The following TMEM135 variants were observed in gnomAD, a reference collection of about 807,000 sequenced individuals.
The protein encoded by TMEM135 is peroxisomal membrane protein 52.
Under a neutral mutation model 60.3 loss-of-function variants are expected in TMEM135, and 30 were observed. That is an observed-to-expected ratio of 0.50 (90% confidence interval 0.37 to 0.68). The LOEUF (loss-of-function observed/expected upper bound fraction) is 0.68, where lower values mean the gene tolerates loss of function less well. Among genes scored for constraint, TMEM135 ranks in the 30% least tolerant of loss-of-function variants. The probability of loss-of-function intolerance (pLI) is 0.00; values close to 1 mark genes in which losing one functional copy is unlikely to be tolerated. For synonymous variants in TMEM135, 190 were observed against 186.7 expected (o/e 1.02, Z -0.14); for missense variants, 468 against 548.8 (o/e 0.85, Z 1.47).
intron 1 of TMEM135, among the ~76,000 whole-genome samples, chr11:87,045,326 G>A (rs1010809923): frequency 4.6e-5 from 7 of 152,138 alleles, no homozygotes; most frequent in African/African-American, 1.2e-4. Flanking sequence ...CACCGCACCC[G>A]GCTGAAGTTG....
chr11:87,153,268 C>A (rs1185569273), intron 4 of TMEM135, among the ~76,000 whole-genome samples: 2 of 152,164 alleles, frequency 1.3e-5, no homozygotes, highest in Non-Finnish European at 2.9e-5. Flanking sequence ...CTCATGAAGT[C>A]TTTTTCCTTC....
intron 5 of TMEM135, among the ~76,000 whole-genome samples, chr11:87,188,902 C>T (rs1472969405): frequency 6.6e-6 from 1 of 152,076 alleles, no homozygotes; most frequent in East Asian, 1.9e-4. Flanking sequence ...ATGCATACAT[C>T]TATATGAACA....
chr11:87,170,155 C>T (rs888976980), intron 5 of TMEM135, among the ~76,000 whole-genome samples: 42 of 152,128 alleles, frequency 2.8e-4, no homozygotes, highest in African/African-American at 9.9e-4. Flanking sequence ...ATTTTCTTCT[C>T]TAAACTGGTT....
chr11:87,133,867 G>T (rs1357714167), intron 4 of TMEM135, among the ~76,000 whole-genome samples: 1 of 152,014 alleles, frequency 6.6e-6, no homozygotes, highest in Non-Finnish European at 1.5e-5. Context: ...TGTAACAATG[G>T]TTCATTTTTA....
In TMEM135 at chr11:87,110,770, G is replaced by A. The variant is rs34548896; in HGVS notation, c.396+19375G>A. ...GCTTTTTAAAGGAATGTGTGTGTGTGTATGTGTGTGTGTGTGTGTGATGAA... is the reference window on the plus strand; with the variant it reads ...GCTTTTTAAAGGAATGTGTGTGTGTATATGTGTGTGTGTGTGTGTGATGAA... On this transcript the variant is annotated intron_variant, in intron 4 of 14. Transcript: ENST00000305494. 2.0e-4 allele frequency among the ~76,000 whole-genome samples: 11 copies of A among 56,070 alleles called. No individual in the cohort carries two copies. In the Admixed American group the frequency reaches 2.4e-3, roughly 12 times the overall value. The allele number at this position is 56,070 out of a possible 152,430, so 36.8% of individuals were successfully genotyped here.
At chr11:87,100,071 C>T (rs1857422389) in intron 4 of TMEM135, among the ~76,000 whole-genome samples, 1 of 152,056 alleles carries the variant, frequency 6.6e-6, no homozygotes, top group Non-Finnish European at 1.5e-5. Context: ...ATCTCTAGTT[C>T]TTTAAAATGG....
intron 2 of TMEM135, among the ~76,000 whole-genome samples, chr11:87,068,634 C>T (rs1192193169): frequency 1.3e-5 from 2 of 151,820 alleles, no homozygotes. Flanking sequence ...CATGGTGAAA[C>T]CCCGTCTCTA....
chr11:87,161,538 A>G (rs1051780109), intron 5 of TMEM135, among the ~76,000 whole-genome samples: 18 of 152,304 alleles, frequency 1.2e-4, no homozygotes, highest in Admixed American at 7.2e-4. Flanking sequence ...GAAAGAGAAC[A>G]AAGTTTAACA....
chr11:87,104,224 C>T (rs1857536503), intron 4 of TMEM135, among the ~76,000 whole-genome samples: 1 of 152,130 alleles, frequency 6.6e-6, no homozygotes, highest in African/African-American at 2.4e-5. Flanking sequence ...GCACCTTTGT[C>T]AAAAATCAAT....
chr11:87,044,630 C>T (rs1204998942), intron 1 of TMEM135, among the ~76,000 whole-genome samples: 1 of 151,994 alleles, frequency 6.6e-6, no homozygotes, highest in East Asian at 1.9e-4. Context: ...CTTATTATCT[C>T]TTTGGAGATA....
At chr11:87,271,501 A>T (rs1005654802) in intron 6 of TMEM135, among the ~76,000 whole-genome samples, 5 of 152,212 alleles carry the variant, frequency 3.3e-5, no homozygotes, top group Non-Finnish European at 4.4e-5. Context: ...AGTCAAATGT[A>T]GATTGCCGTA....
chr11:87,318,188 G>T lies in TMEM135; in HGVS notation c.1129G>T (p.Ala377Ser), dbSNP rs1210039273. Residue 377 changes from alanine to serine, a missense_variant, in exon 13 of 15, where the codon GCA (alanine) becomes TCA (serine). Transcript: ENST00000305494. ...EAGKVPYFPH[A>S]DTIIYSISTA... ...AGGGAAGGTTCCCTATTTTCCTCATGCAGATACTATCATCTATTCCATCTC... is the reference window on the plus strand; with the variant it reads ...AGGGAAGGTTCCCTATTTTCCTCATTCAGATACTATCATCTATTCCATCTC... 6.2e-7 allele frequency: 1 copy of T among 1,612,812 alleles called. No individual in the cohort carries two copies.
chr11:87,194,072 A>G (rs1939877824), intron 5 of TMEM135, among the ~76,000 whole-genome samples: 1 of 152,168 alleles, frequency 6.6e-6, no homozygotes, highest in African/African-American at 2.4e-5. Flanking sequence ...AGTTAAACAC[A>G]TTTAAAAGAG....
intron 6 of TMEM135, among the ~76,000 whole-genome samples, chr11:87,272,497 G>T (rs1335902896): frequency 1.3e-5 from 2 of 151,984 alleles, no homozygotes; most frequent in Non-Finnish European, 2.9e-5. Flanking sequence ...ATCTCACTCT[G>T]TCACCCAGGC....
chr11:87,322,554 A>G lies in TMEM135; in HGVS notation c.*1221A>G, dbSNP rs1171571057. 4.4e-6 allele frequency: 2 copies of G among 453,932 alleles called. No homozygotes were observed. Among genetic ancestry groups the G allele is most frequent in the Non-Finnish European group, 8.8e-6 (2 of 226,730 alleles). The allele number at this position is 453,932 out of a possible 1,614,324, so 28.1% of individuals were successfully genotyped here. On this transcript the variant is annotated 3_prime_UTR_variant, in exon 15 of 15. Transcript: ENST00000305494. ...ACTTTTCTATGTTAATAAAGAGCTG[A>G]AGTGGTCTACAGTTAATGTGACATG...
At chr11:87,157,836 A>G (rs1938743712) in intron 5 of TMEM135, 1 of 157,494 alleles carries the variant, frequency 6.3e-6, no homozygotes, top group African/African-American at 2.4e-5. Context: ...GAGAGGGAGA[A>G]AAAAGCTGGA....
intron 5 of TMEM135, among the ~76,000 whole-genome samples, chr11:87,226,375 A>C (rs186896965): frequency 1.3e-5 from 2 of 152,184 alleles, no homozygotes; most frequent in Non-Finnish European, 2.9e-5. Context: ...TTGACCATTG[A>C]ATTTTCTTTT....
chr11:87,109,808 A>G (rs1857696974), intron 4 of TMEM135, among the ~76,000 whole-genome samples: 1 of 143,494 alleles, frequency 7.0e-6, no homozygotes, highest in Admixed American at 7.3e-5. Context: ...ATACTTTGAA[A>G]TAATTTAAAA....
chr11:87,218,420 C>T (rs1940547894), intron 5 of TMEM135, among the ~76,000 whole-genome samples: 1 of 152,162 alleles, frequency 6.6e-6, no homozygotes, highest in South Asian at 2.1e-4. Context: ...ATGCTCTGTA[C>T]CACCCCTCTA....
Sources: allele counts gnomAD v4.1 joint callset (sites outside exome capture counted in the v4.1 genomes callset), GRCh38; gene constraint gnomAD v4.1.1; transcripts MANE v1.5; gene names NCBI Gene and HGNC (gene_info 2026-07-23, HGNC 2026-07-21).